KAZN: variants seen among roughly 807,000 people sequenced by gnomAD.
The protein encoded by KAZN is kazrin, periplakin interacting protein, also known as kazrin.
Under a neutral mutation model 87.4 loss-of-function variants are expected in KAZN, and 40 were observed. That is an observed-to-expected ratio of 0.46 (90% CI 0.36 to 0.60). The LOEUF (loss-of-function observed/expected upper bound fraction) is 0.60, where lower values mean the gene tolerates loss of function less well. KAZN is among the 20% of genes least tolerant of loss of function. The pLI is 0.00. For synonymous variants in KAZN, 466 were observed against 458.3 expected, an observed-to-expected ratio of 1.02 and a Z score of -0.22; for missense variants, 898 against 1,073.9, an observed-to-expected ratio of 0.84 and a Z score of 2.29.
intron 1 of KAZN, among the ~76,000 whole-genome samples, chr1:14,064,570 T>G (rs1570650253): frequency 6.6e-6 from 1 of 152,006 alleles, no homozygotes; most frequent in African/African-American, 2.4e-5. Context: ...TAAGGAAGCG[T>G]TTTTTGATGT....
chr1:14,670,875 C>T (rs1382775626), intron 1 of KAZN, among the ~76,000 whole-genome samples: 1 of 152,202 alleles, frequency 6.6e-6, no homozygotes, highest in Admixed American at 6.5e-5. Flanking sequence ...CAAGGGGTGA[C>T]TTACCTTCTG....
chr1:14,801,685 TTTTTTTG>T (rs1646030341), intron 1 of KAZN, among the ~76,000 whole-genome samples: 3 of 140,662 alleles, frequency 2.1e-5, no homozygotes, highest in African/African-American at 8.1e-5. Context: ...GTTTTTTTTG[TTTTTTTG>T]TTTTTTTTTT....
chr1:14,452,774 G>A (rs1232049475), intron 2 of KAZN, among the ~76,000 whole-genome samples: 1 of 152,206 alleles, frequency 6.6e-6, no homozygotes, highest in African/African-American at 2.4e-5. Context: ...ATGCTACGGT[G>A]AGGACCAAGC....
chr1:14,409,961 G>A (rs1441262945), intron 2 of KAZN, among the ~76,000 whole-genome samples: 1 of 152,138 alleles, frequency 6.6e-6, no homozygotes, highest in Non-Finnish European at 1.5e-5. Context: ...CTGATGGCTT[G>A]AACAGCAGAT....
intron 2 of KAZN, among the ~76,000 whole-genome samples, chr1:14,416,098 A>G (rs1664735825): frequency 6.6e-6 from 1 of 152,140 alleles, no homozygotes; most frequent in Non-Finnish European, 1.5e-5. Flanking sequence ...ACTTAAGTGA[A>G]ATTCCGAGGA....
chr1:15,043,704 TGCGATCTCG>T (rs901411718), intron 3 of KAZN, among the ~76,000 whole-genome samples: 23 of 138,948 alleles, frequency 1.7e-4, no homozygotes, highest in African/African-American at 5.4e-4. Flanking sequence ...AGTGCAGTGG[TGCGATCTCG>T]GCTCACTGCA....
intron 1 of KAZN, among the ~76,000 whole-genome samples, chr1:14,064,597 C>T (rs968866870): frequency 2.0e-5 from 3 of 151,596 alleles, no homozygotes; most frequent in African/African-American, 7.3e-5. Flanking sequence ...CCCATTTGAG[C>T]TGATGGGCAT....
rs1382789643 is a variant in KAZN at position 14,769,503 on chromosome 1, C to T, written c.226+170280C>T. Reference sequence around the variant, plus strand: ...CTGAGTATCTGGGATTACAGGCGCCCACCACCACGCCCGGCTAATTTTGTA... The same window carrying T: ...CTGAGTATCTGGGATTACAGGCGCCTACCACCACGCCCGGCTAATTTTGTA... On this transcript the variant is annotated intron_variant, in intron 1 of 14. Transcript: ENST00000376030. This position sits in a 1 kb window ranked among gnomAD's most constrained non-coding sequence, Gnocchi z 4.1. 1.3e-5 allele frequency among the ~76,000 whole-genome samples: 2 copies of T among 152,120 alleles called. No homozygotes were observed. Among genetic ancestry groups the T allele is most frequent in the African/African-American group, 2.4e-5 (1 of 41,512 alleles).
chr1:14,524,972 A>G (rs1227480260), intron 2 of KAZN, among the ~76,000 whole-genome samples: 1 of 152,254 alleles, frequency 6.6e-6, no homozygotes, highest in East Asian at 1.9e-4. Context: ...CACCTTGGCT[A>G]GATGTATTTA....
chr1:15,012,722 GA>G (rs1447921251), intron 2 of KAZN, among the ~76,000 whole-genome samples: 3 of 152,176 alleles, frequency 2.0e-5, no homozygotes, highest in African/African-American at 7.2e-5. Context: ...AGGAGTTTGA[GA>G]CCAACCTGTC....
chr1:14,364,863 C>T (rs1659836233), intron 2 of KAZN, among the ~76,000 whole-genome samples: 1 of 152,118 alleles, frequency 6.6e-6, no homozygotes, highest in Non-Finnish European at 1.5e-5. Context: ...ATGGCATTCT[C>T]CCTGTGTGTG....
At chr1:14,490,228 C>T (rs1357900649) in intron 2 of KAZN, among the ~76,000 whole-genome samples, 1 of 152,170 alleles carries the variant, frequency 6.6e-6, no homozygotes, top group Non-Finnish European at 1.5e-5. Flanking sequence ...GGGTGAAGGT[C>T]CTTCTTTTTG....
At chr1:14,383,358 G>A (rs1571466125) in intron 2 of KAZN, among the ~76,000 whole-genome samples, 3 of 151,868 alleles carry the variant, frequency 2.0e-5, no homozygotes, top group Admixed American at 2.0e-4. Flanking sequence ...TGTTGCCATT[G>A]CTTTTGGTGT....
intron 2 of KAZN, among the ~76,000 whole-genome samples, chr1:14,962,965 T>A (rs773583392): frequency 6.6e-6 from 1 of 152,068 alleles, no homozygotes; most frequent in Non-Finnish European, 1.5e-5. Flanking sequence ...CCATTCCTGA[T>A]CTGAGTGATT....
At chr1:14,742,807 G>A (rs1189569633) in intron 1 of KAZN, among the ~76,000 whole-genome samples, 1 of 152,236 alleles carries the variant, frequency 6.6e-6, no homozygotes, top group Non-Finnish European at 1.5e-5. Flanking sequence ...CATGGTGGCA[G>A]GAGCCAGGGA....
chr1:14,399,722 C>G (rs1233497613), intron 2 of KAZN, among the ~76,000 whole-genome samples: 2 of 152,126 alleles, frequency 1.3e-5, no homozygotes, highest in South Asian at 2.1e-4. Flanking sequence ...ACATGCTGCT[C>G]TGCTCTGAGA....
At chr1:14,138,780 C>T (rs1223851285) in intron 1 of KAZN, among the ~76,000 whole-genome samples, 5 of 152,156 alleles carry the variant, frequency 3.3e-5, no homozygotes, top group African/African-American at 7.2e-5. Context: ...CCAGGCATCT[C>T]GACTCCCACT....
chr1:14,882,458 T>G (rs1653448311), intron 1 of KAZN, among the ~76,000 whole-genome samples: 1 of 152,202 alleles, frequency 6.6e-6, no homozygotes, highest in Non-Finnish European at 1.5e-5. Flanking sequence ...GTAGGGGGAC[T>G]GGTCCATTTG....
intron 1 of KAZN, among the ~76,000 whole-genome samples, chr1:14,010,464 G>A (rs764861088): frequency 3.5e-4 from 54 of 152,174 alleles, no homozygotes; most frequent in Non-Finnish European, 7.1e-4. Flanking sequence ...GAAGCAGTCC[G>A]GTATGGGAGG....
Sources: allele counts gnomAD v4.1 joint callset (sites outside exome capture counted in the v4.1 genomes callset), GRCh38; gene constraint gnomAD v4.1.1; non-coding constraint Gnocchi (gnomAD v3.1); transcripts MANE v1.5; gene names NCBI Gene and HGNC (gene_info 2026-07-23, HGNC 2026-07-21).